The following CSMD2 variants were observed in gnomAD, a reference collection of about 807,000 sequenced individuals.
The protein encoded by CSMD2 is CUB and Sushi multiple domains 2.
Under a neutral mutation model 398.5 loss-of-function variants are expected in CSMD2, and 130 were observed. The ratio of observed to expected loss-of-function variants is 0.33; its 90% CI spans 0.28 to 0.38. The LOEUF (loss-of-function observed/expected upper bound fraction) is 0.38. Among genes scored for constraint, CSMD2 ranks in the 10% least tolerant of loss-of-function variants. The pLI is 1.00. For synonymous variants in CSMD2, 1,828 were observed against 1,908.5 expected (o/e 0.96, Z 1.10); for missense variants, 3,829 against 4,764.9 (o/e 0.80, Z 5.78).
At position 33,623,320 on chromosome 1, in the gene CSMD2, T is replaced by A. The variant is rs1422347456; in HGVS notation, c.5722+50A>T. The A allele has an allele frequency of 2.6e-6, 3 of 1,142,320 alleles. No homozygotes were observed. The South Asian group carries it at 3.8e-5, about 14-fold the overall frequency. 70.8% of individuals were successfully genotyped at this position (1,142,320 alleles called of 1,614,324 possible). A position where few individuals can be genotyped will look rare whatever the true frequency, so the allele number is the denominator to read the frequency against. ...ATGATAATAACAATGTTCATGATGA[T>A]GAGCTCTAGTACTACCCTCCAAATT... On this transcript the variant is annotated intron_variant, in intron 36 of 70. Coordinates refer to ENST00000373381, the MANE Select transcript of CSMD2 (RefSeq NM_001281956.2).
Position 33,700,652 on chromosome 1 carries a change from AGTT to A in CSMD2, c.3595_3597del (p.Asn1199del), listed in dbSNP as rs766262604. On this transcript the variant is annotated inframe_deletion, in exon 23 of 71. Coordinates refer to ENST00000373381, the MANE Select transcript of CSMD2 (RefSeq NM_001281956.2). ...CTAAAAACTCCCAGCAAACGGGCGG[AGTT>A]GTTGTTGCCATCATAAACCTGGACA... is the stretch of plus-strand genomic sequence containing the variant. 1.9e-6 allele frequency: 3 copies of A among 1,614,190 alleles called. No individual in the cohort carries two copies. Among genetic ancestry groups the A allele is most frequent in the African/African-American group, 1.3e-5 (1 of 75,054 alleles).
At position 33,636,908 on chromosome 1, in the gene CSMD2, G is replaced by A. The variant is rs895580999; in HGVS notation, c.4775-354C>T. Among the ~76,000 whole-genome samples, 3 of 152,124 alleles carry A rather than the reference G, an allele frequency of 2.0e-5. No individual in the cohort carries two copies. The highest frequency in any genetic ancestry group is 6.5e-5 in the Admixed American group (1 of 15,278). ...TGGCTGGTGGGGGCTGACAGTCCCTGGACCACATCTCAGCTGCCGGCAGGG... is the reference window on the plus strand; with the variant it reads ...TGGCTGGTGGGGGCTGACAGTCCCTAGACCACATCTCAGCTGCCGGCAGGG... On this transcript the variant is annotated intron_variant, in intron 29 of 70. Coordinates refer to ENST00000373381, the MANE Select transcript of CSMD2 (RefSeq NM_001281956.2). This position sits in a 1 kb window ranked among gnomAD's most constrained non-coding sequence, Gnocchi z 4.8.
At chr1:34,095,775 A>G (rs1378698637) in intron 1 of CSMD2, among the ~76,000 whole-genome samples, 1 of 150,814 alleles carries the variant, frequency 6.6e-6, no homozygotes, top group African/African-American at 2.4e-5. Flanking sequence ...TCAATAGCTT[A>G]CCAACCAAAA....
chr1:33,815,086 G>T lies in CSMD2; in HGVS notation c.1325-4222C>A, dbSNP rs190751125. On this transcript the variant is annotated intron_variant, in intron 9 of 70. Coordinates refer to ENST00000373381, the MANE Select transcript of CSMD2 (RefSeq NM_001281956.2). The stretch of plus-strand genomic sequence containing the variant: ...GCTACCAGGAGAACTGTGGTATCAC[G>T]ACAGATTCATGGTTTGCCATCACAA... Among the ~76,000 whole-genome samples the T allele has an allele frequency of 3.1e-3, 470 of 152,138 alleles. 5 individuals carry two copies. Among genetic ancestry groups the T allele is most frequent in the African/African-American group, 0.01 (426 of 41,496 alleles).
At chr1:33,725,626 GA>G (rs960821525) in intron 16 of CSMD2, 90 bp from the exon 17 acceptor site, 1 of 1,203,510 alleles carries the variant, frequency 8.3e-7, no homozygotes, top group African/African-American at 1.5e-5. Flanking sequence ...CAGGGCTTCC[GA>G]ATAACCAGAT....
chr1:33,865,581 G>A (rs1261697888), intron 5 of CSMD2, among the ~76,000 whole-genome samples: 1 of 152,218 alleles, frequency 6.6e-6, no homozygotes, highest in South Asian at 2.1e-4. Flanking sequence ...TCAGTGGTGG[G>A]CATGTGACCC....
intron 3 of CSMD2, among the ~76,000 whole-genome samples, chr1:33,945,632 G>C (rs1259881341): frequency 6.6e-6 from 1 of 152,156 alleles, no homozygotes; most frequent in Non-Finnish European, 1.5e-5. Context: ...TCCTGCTCCT[G>C]TCACTCTCTA....
rs1305536778 is a variant in CSMD2, at chr1:33,832,061, T to A, written c.1034-6287A>T. 4.0e-5 allele frequency among the ~76,000 whole-genome samples: 6 copies of A among 148,364 alleles called. No homozygotes were observed. The South Asian group carries it at 1.3e-3, about 33-fold the overall frequency. ...GACTTAGACTCCCACACAATAATAA[T>A]GGGAGACTTTAACACCCCACTGTCA... On this transcript the variant is annotated intron_variant, in intron 6 of 70. Coordinates refer to ENST00000373381, the MANE Select transcript of CSMD2 (RefSeq NM_001281956.2).
rs759492938 is a variant in CSMD2, at chr1:33,546,084, G to T, written c.9053C>A (p.Thr3018Asn). The T allele has an allele frequency of 7.9e-5, 127 of 1,614,014 alleles. No individual in the cohort carries two copies. Among genetic ancestry groups the T allele is most frequent in the Non-Finnish European group, 1.1e-4 (124 of 1,180,034 alleles). ...GHVLRGSSER[T>N]CQANGSWSGS... Reference sequence around the variant, plus strand: ...GCTCCACGAGCCATTGGCTTGACAGGTGCGCTCTGACGATCCCCGGAGCAC... The same window carrying T: ...GCTCCACGAGCCATTGGCTTGACAGTTGCGCTCTGACGATCCCCGGAGCAC... The change falls in exon 57 of 71, where the codon ACC becomes AAC. Residue 3018 changes from threonine to asparagine, a missense_variant. Around this residue, in one of 5 missense-constraint regions of CSMD2, gnomAD observed 917 missense variants for 1,199.5 expected, o/e 0.76. Coordinates refer to ENST00000373381, the MANE Select transcript of CSMD2 (RefSeq NM_001281956.2).
At chr1:33,590,415 GGT>G (rs1639357328) in intron 44 of CSMD2, among the ~76,000 whole-genome samples, 1 of 149,376 alleles carries the variant, frequency 6.7e-6, no homozygotes, top group African/African-American at 2.5e-5. Flanking sequence ...TGGGATTACA[GGT>G]GTGAGTCACT....
chr1:33,780,647 A>G (rs1373637561), intron 12 of CSMD2, among the ~76,000 whole-genome samples: 1 of 152,192 alleles, frequency 6.6e-6, no homozygotes, highest in South Asian at 2.1e-4. Context: ...ATTACTTTCT[A>G]CCAAATTTTA....
chr1:34,057,637 C>T (rs577016797), intron 2 of CSMD2, among the ~76,000 whole-genome samples: 1 of 152,250 alleles, frequency 6.6e-6, no homozygotes, highest in African/African-American at 2.4e-5. Flanking sequence ...TCTTGGCCAC[C>T]GCTTCCCGTT....
At chr1:33,536,550 A>G (rs1655806228) in intron 62 of CSMD2, among the ~76,000 whole-genome samples, 1 of 152,090 alleles carries the variant, frequency 6.6e-6, no homozygotes. Flanking sequence ...ATGTGTCACA[A>G]CCCAGACTGT....
At chr1:33,787,947 C>T (rs535317005) in intron 12 of CSMD2, among the ~76,000 whole-genome samples, 3 of 152,258 alleles carry the variant, frequency 2.0e-5, no homozygotes, top group Non-Finnish European at 4.4e-5. Flanking sequence ...TCATTCATCA[C>T]ATGCAACCCA....
rs1252769962 is a variant in CSMD2 at position 34,091,378 on chromosome 1, G to A, written c.188-2185C>T. Among the ~76,000 whole-genome samples, 4 of 152,038 alleles carry A rather than the reference G, an allele frequency of 2.6e-5. No homozygotes were observed. In the South Asian group the frequency reaches 8.3e-4, roughly 32 times the overall value. On this transcript the variant is annotated intron_variant, in intron 1 of 70. Coordinates refer to ENST00000373381, the MANE Select transcript of CSMD2 (RefSeq NM_001281956.2). ...TCTAATCCTCACAACAGCCCTATACGGTAGATACTATTACTATCATCTCCA... is the reference window on the plus strand; with the variant it reads ...TCTAATCCTCACAACAGCCCTATACAGTAGATACTATTACTATCATCTCCA...
chr1:34,165,075 T>C lies in CSMD2; in HGVS notation c.23A>G (p.Glu8Gly), dbSNP rs1641755758. ...CGCGGGGCAGCCGCAGCGCCCCAGC[T>C]CCCGTCCCCGCGAGCGCGGCATGGC... MPRSRGR[E>G]LGRCGCPAGR... Residue 8 changes from glutamate (E) to glycine (G), a missense_variant, in exon 1 of 71, where the codon GAG becomes GGG. Physicochemically the swap from Glu to Gly is moderately conservative, Grantham distance 98. Coordinates refer to ENST00000373381, the MANE Select transcript of CSMD2 (RefSeq NM_001281956.2). The C allele has an allele frequency of 1.2e-5, 15 of 1,214,826 alleles. 1 individual carries two copies. In the South Asian group the frequency reaches 5.0e-4, roughly 40 times the overall value. 75.3% of individuals were successfully genotyped at this position (1,214,826 alleles called of 1,614,324 possible). A position where few individuals can be genotyped will look rare whatever the true frequency, so the allele number is the denominator to read the frequency against.
intron 13 of CSMD2, among the ~76,000 whole-genome samples, chr1:33,750,081 A>G (rs896829555): frequency 1.2e-4 from 19 of 152,098 alleles, no homozygotes; most frequent in African/African-American, 4.3e-4. Flanking sequence ...AAACAACAAA[A>G]CTGTACTGAT....
chr1:33,816,303 T>C (rs1657455942), intron 9 of CSMD2, among the ~76,000 whole-genome samples: 1 of 152,196 alleles, frequency 6.6e-6, no homozygotes, highest in African/African-American at 2.4e-5. Flanking sequence ...CTGGGCCTGG[T>C]ACTCAGTCCC....
At position 34,012,759 on chromosome 1, in the gene CSMD2, C is replaced by T. The variant is rs151079246; in HGVS notation, c.517+19835G>A. Among the ~76,000 whole-genome samples, 423 of 152,290 alleles carry T rather than the reference C, an allele frequency of 2.8e-3. 2 individuals are homozygous for T. The highest frequency in any genetic ancestry group is 4.5e-3 in the Non-Finnish European group (304 of 68,030). ...AGAATTTCAAATTATGCCTGGCACACAGTAGTAAGTACACAATAAATATAT... is the reference window on the plus strand; with the variant it reads ...AGAATTTCAAATTATGCCTGGCACATAGTAGTAAGTACACAATAAATATAT... On this transcript the variant is annotated intron_variant, in intron 3 of 70. Coordinates refer to ENST00000373381, the MANE Select transcript of CSMD2 (RefSeq NM_001281956.2).
Sources: allele counts gnomAD v4.1 joint callset (sites outside exome capture counted in the v4.1 genomes callset), GRCh38; gene constraint gnomAD v4.1.1; regional missense constraint gnomAD v4.1.1; non-coding constraint Gnocchi (gnomAD v3.1); transcripts MANE v1.5; gene names NCBI Gene and HGNC (gene_info 2026-07-23, HGNC 2026-07-21).